The following CTNNA3 variants were observed in gnomAD, a reference collection of about 807,000 sequenced individuals.
The protein encoded by CTNNA3 is catenin alpha-3.
Under a neutral mutation model 95.7 loss-of-function variants are expected in CTNNA3, and 76 were observed. The observed-to-expected ratio is 0.79, with a 90% CI of 0.66 to 0.96. The LOEUF is 0.96. Among genes scored for constraint, CTNNA3 ranks in the 40% least tolerant of loss-of-function variants. The pLI is 0.00. For synonymous variants in CTNNA3, 431 were observed against 374.4 expected, an observed-to-expected ratio of 1.15 and a Z score of -1.74; for missense variants, 1,191 against 1,089.8, an observed-to-expected ratio of 1.09 and a Z score of -1.31.
intron 11 of CTNNA3, among the ~76,000 whole-genome samples, chr10:66,501,271 T>G (rs758784736): frequency 2.6e-5 from 4 of 152,172 alleles, no homozygotes; most frequent in Non-Finnish European, 5.9e-5. Flanking sequence ...TATAATGAGC[T>G]ACTAATTGCC....
intron 17 of CTNNA3, among the ~76,000 whole-genome samples, chr10:65,934,802 T>C (rs1343959993): frequency 1.3e-5 from 2 of 152,056 alleles, no homozygotes; most frequent in African/African-American, 4.8e-5. Context: ...TAAAAGATCT[T>C]GGGCACCAGG....
chr10:67,179,232 C>T (rs1179811372), intron 7 of CTNNA3, among the ~76,000 whole-genome samples: 1 of 151,742 alleles, frequency 6.6e-6, no homozygotes, highest in Non-Finnish European at 1.5e-5. Context: ...CAAAATATTG[C>T]TATTATAACT....
At chr10:66,486,957 A>G (rs1199008672) in intron 11 of CTNNA3, among the ~76,000 whole-genome samples, 1 of 152,182 alleles carries the variant, frequency 6.6e-6, no homozygotes, top group African/African-American at 2.4e-5. Flanking sequence ...CAGAAGGGCA[A>G]ATCTTGTATG....
intron 10 of CTNNA3, among the ~76,000 whole-genome samples, chr10:66,595,792 G>A (rs1051500967): frequency 5.9e-5 from 9 of 151,834 alleles, no homozygotes; most frequent in African/African-American, 2.2e-4. Context: ...GTGCACCACT[G>A]TACTTAGCTA....
At chr10:66,082,527 A>C (rs943026627) in intron 14 of CTNNA3, among the ~76,000 whole-genome samples, 2 of 152,122 alleles carry the variant, frequency 1.3e-5, no homozygotes, top group African/African-American at 4.8e-5. Context: ...AGAACAGAAA[A>C]AGAATATAGG....
At chr10:66,713,840 T>C (rs773309861) in intron 9 of CTNNA3, among the ~76,000 whole-genome samples, 18 of 152,106 alleles carry the variant, frequency 1.2e-4, no homozygotes, top group Non-Finnish European at 2.1e-4. Flanking sequence ...TTTCAACATA[T>C]GGAAGGAGAC....
At chr10:67,411,909 G>A (rs983119912) in intron 5 of CTNNA3, among the ~76,000 whole-genome samples, 1 of 152,022 alleles carries the variant, frequency 6.6e-6, no homozygotes, top group African/African-American at 2.4e-5. Context: ...ACCAGCACTG[G>A]CTGTCATTTA....
intron 13 of CTNNA3, among the ~76,000 whole-genome samples, chr10:66,149,847 CA>C (rs571539130): frequency 1.3e-5 from 2 of 151,462 alleles, no homozygotes; most frequent in African/African-American, 2.4e-5. Flanking sequence ...ATTATTATAG[CA>C]AAAAAAATTA....
At chr10:67,562,218 A>G (rs931420634) in intron 3 of CTNNA3, among the ~76,000 whole-genome samples, 2 of 152,208 alleles carry the variant, frequency 1.3e-5, no homozygotes, top group African/African-American at 2.4e-5. Flanking sequence ...ATCCTTGATG[A>G]ACATTGATAC....
intron 7 of CTNNA3, among the ~76,000 whole-genome samples, chr10:66,950,929 C>T (rs767362347): frequency 1.3e-5 from 2 of 152,098 alleles, no homozygotes; most frequent in Non-Finnish European, 2.9e-5. Context: ...TCTGATCTGT[C>T]GGATTCAGCA....
chr10:66,175,904 C>T (rs994089082), intron 13 of CTNNA3, among the ~76,000 whole-genome samples: 27 of 152,148 alleles, frequency 1.8e-4, no homozygotes, highest in African/African-American at 5.5e-4. Context: ...AAATTATCTG[C>T]GCTGACAACT....
At chr10:66,722,791 G>A (rs1260172344) in intron 9 of CTNNA3, among the ~76,000 whole-genome samples, 1 of 150,536 alleles carries the variant, frequency 6.6e-6, no homozygotes, top group Non-Finnish European at 1.5e-5. Context: ...CAACTGTAGA[G>A]TAATAAGAAT....
At chr10:66,256,290 T>C (rs917439616) in intron 13 of CTNNA3, among the ~76,000 whole-genome samples, 1 of 152,204 alleles carries the variant, frequency 6.6e-6, no homozygotes, top group Non-Finnish European at 1.5e-5. Context: ...CCATTCTGGC[T>C]GTACACTTTC....
intron 9 of CTNNA3, among the ~76,000 whole-genome samples, chr10:66,727,159 C>T (rs1464165337): frequency 2.0e-5 from 3 of 151,894 alleles, no homozygotes; most frequent in Admixed American, 6.6e-5. Flanking sequence ...GCTAAATAAC[C>T]ACTTGGAAGA....
chr10:66,315,168 C>G (rs1043102781), intron 12 of CTNNA3, among the ~76,000 whole-genome samples: 6 of 151,864 alleles, frequency 4.0e-5, no homozygotes, highest in Admixed American at 1.3e-4. Context: ...TAATTTTCCT[C>G]CTTAACTACA....
At chr10:66,360,455 A>T (rs915139959) in intron 12 of CTNNA3, among the ~76,000 whole-genome samples, 7 of 152,168 alleles carry the variant, frequency 4.6e-5, no homozygotes, top group Admixed American at 3.9e-4. Flanking sequence ...GTATTTGAAT[A>T]TGACATCTGA....
At chr10:66,145,044 C>T (rs975284788) in intron 13 of CTNNA3, among the ~76,000 whole-genome samples, 2 of 152,078 alleles carry the variant, frequency 1.3e-5, no homozygotes, top group African/African-American at 4.8e-5. Flanking sequence ...ATACACTATT[C>T]TCTCCCTTGC....
At chr10:67,275,496 T>C (rs1169576902) in intron 5 of CTNNA3, among the ~76,000 whole-genome samples, 1 of 151,948 alleles carries the variant, frequency 6.6e-6, no homozygotes, top group African/African-American at 2.4e-5. Flanking sequence ...TTTTAAAAAA[T>C]GACTGACAAT....
At chr10:67,356,325 A>T (rs902452051) in intron 5 of CTNNA3, among the ~76,000 whole-genome samples, 9 of 152,002 alleles carry the variant, frequency 5.9e-5, no homozygotes, top group Non-Finnish European at 8.8e-5. Flanking sequence ...ATTGTAGAAA[A>T]CTGTGTCCCT....
Sources: allele counts gnomAD v4.1 joint callset (sites outside exome capture counted in the v4.1 genomes callset), GRCh38; gene constraint gnomAD v4.1.1; transcripts MANE v1.5; gene names NCBI Gene and HGNC (gene_info 2026-07-23, HGNC 2026-07-21).